Variants in TPRG1 observed in about 807,000 individuals in gnomAD.
TPRG1 encodes the protein tumor protein p63-regulated gene 1 protein.
Under a neutral mutation model 29.3 loss-of-function variants are expected in TPRG1, and 29 were observed. The observed-to-expected ratio is 0.99, with a 90% confidence interval of 0.74 to 1.35. The LOEUF is 1.35. TPRG1 is among the 40% of genes most tolerant of loss of function. TPRG1 has a pLI of 0.00. For synonymous variants in TPRG1, 130 were observed against 116.8 expected (o/e 1.11, Z -0.73); for missense variants, 327 against 335.0 (o/e 0.98, Z 0.19).
chr3:189,202,727 A>G (rs1393179528), intron 1 of TPRG1, among the ~76,000 whole-genome samples: 2 of 152,096 alleles, frequency 1.3e-5, no homozygotes, highest in African/African-American at 2.4e-5. Context: ...GGATTTGTCA[A>G]CCTGGCTCTG....
rs576121403 is a variant in TPRG1 at position 189,322,729 on chromosome 3, C to A, written c.*1909C>A. ...CAATCGACTTCTCTCTGCACATTTGCCCCCTTTGTAACCTAAGCCAGACTG... is the reference window on the plus strand; with the variant it reads ...CAATCGACTTCTCTCTGCACATTTGACCCCTTTGTAACCTAAGCCAGACTG... On this transcript the variant is annotated 3_prime_UTR_variant, in exon 6 of 6. Transcript: ENST00000345063. 6.6e-6 allele frequency: 1 copy of A among 152,520 alleles called. No individual in the cohort carries two copies. The highest frequency in any genetic ancestry group is 2.4e-5 in the African/African-American group (1 of 41,554). 9.4% of individuals were successfully genotyped at this position (152,520 alleles called of 1,614,324 possible). A position where few individuals can be genotyped will look rare whatever the true frequency, so the allele number is the denominator to read the frequency against.
intron 1 of TPRG1, among the ~76,000 whole-genome samples, chr3:189,204,495 G>T (rs114240457): frequency 4.2e-4 from 64 of 152,268 alleles, no homozygotes; most frequent in African/African-American, 1.5e-3. Context: ...TCTGGATTGG[G>T]ATAGCTGGGC....
At chr3:189,074,199 C>CTTTTT (rs554150288) in intron 4 of TPRG1, among the ~76,000 whole-genome samples, 51 of 68,062 alleles carry the variant, frequency 7.5e-4, no homozygotes, top group Non-Finnish European at 1.0e-3. Flanking sequence ...AATTATTTTC[C>CTTTTT]TTTTTTTTTT....
At chr3:189,212,813 C>T (rs1397032761) in intron 2 of TPRG1, among the ~76,000 whole-genome samples, 1 of 152,194 alleles carries the variant, frequency 6.6e-6, no homozygotes, top group Non-Finnish European at 1.5e-5. Context: ...GAGCTCATTA[C>T]ATCGAGAAAA....
intron 3 of TPRG1, among the ~76,000 whole-genome samples, chr3:189,134,045 A>C (rs926291563): frequency 6.6e-6 from 1 of 152,116 alleles, no homozygotes; most frequent in Non-Finnish European, 1.5e-5. Context: ...TTGAATACAC[A>C]TGTTAGCTAT....
At chr3:189,187,795 G>A (rs1271238057) in intron 1 of TPRG1, among the ~76,000 whole-genome samples, 1 of 152,218 alleles carries the variant, frequency 6.6e-6, no homozygotes, top group Non-Finnish European at 1.5e-5. Context: ...TCTATTTTGT[G>A]ATAAAGGTAT....
At chr3:189,229,122 A>T (rs1738245545) in intron 3 of TPRG1, among the ~76,000 whole-genome samples, 1 of 152,258 alleles carries the variant, frequency 6.6e-6, no homozygotes, top group African/African-American at 2.4e-5. Flanking sequence ...ATCACAGAAG[A>T]TCCAAATAAA....
chr3:189,251,044 T>C (rs1244444752), intron 4 of TPRG1, among the ~76,000 whole-genome samples: 1 of 152,090 alleles, frequency 6.6e-6, no homozygotes, highest in Non-Finnish European at 1.5e-5. Context: ...CCCTCTCCTT[T>C]ACTTGCCTCT....
At chr3:189,140,671 C>T (rs961499469) in intron 3 of TPRG1, among the ~76,000 whole-genome samples, 1 of 152,186 alleles carries the variant, frequency 6.6e-6, no homozygotes, top group Non-Finnish European at 1.5e-5. Context: ...AAACACAAAT[C>T]TTACCTGCAC....
At chr3:189,006,064 AAAGT>A (rs1477710143) in intron 3 of TPRG1, among the ~76,000 whole-genome samples, 1 of 152,156 alleles carries the variant, frequency 6.6e-6, no homozygotes, top group Non-Finnish European at 1.5e-5. Context: ...ATAACCCTTC[AAAGT>A]AAGTATTTAC....
chr3:189,267,909 C>T (rs1714403843), intron 4 of TPRG1, among the ~76,000 whole-genome samples: 1 of 152,062 alleles, frequency 6.6e-6, no homozygotes, highest in Admixed American at 6.6e-5. Flanking sequence ...TGAATTGGAG[C>T]ACTGAGAAAA....
rs148977173 is a variant in TPRG1 at position 189,048,497 on chromosome 3, A to T, written c.-463+24551A>T. ...GTCACCAGATGCATTAATCCCTAAA[A>T]AGATGAGTCAGCCTATCCTTTGATG... On this transcript the variant is annotated intron_variant, in intron 4 of 10. Coordinates refer to the TPRG1 transcript ENST00000433971. Among the ~76,000 whole-genome samples the T allele has an allele frequency of 2.4e-4, 37 of 152,316 alleles. No individual in the cohort carries two copies. In the East Asian group the frequency reaches 6.6e-3, roughly 27 times the overall value.
chr3:189,318,009 G>A (rs1399201271), intron 5 of TPRG1, among the ~76,000 whole-genome samples: 1 of 152,098 alleles, frequency 6.6e-6, no homozygotes, highest in Admixed American at 6.6e-5. Flanking sequence ...TCTCTATGAG[G>A]ATAATTCCAG....
At chr3:189,284,796 G>A (rs1182050217) in intron 4 of TPRG1, among the ~76,000 whole-genome samples, 1 of 152,154 alleles carries the variant, frequency 6.6e-6, no homozygotes, top group East Asian at 1.9e-4. Context: ...ATTCAAGATG[G>A]ATTCAAGACT....
chr3:189,210,830 T>C (rs1262871473), intron 2 of TPRG1, among the ~76,000 whole-genome samples: 1 of 151,982 alleles, frequency 6.6e-6, no homozygotes, highest in Non-Finnish European at 1.5e-5. Context: ...TATAATTAGA[T>C]TCAATTAAAA....
chr3:189,267,513 AG>A (rs1313008555), intron 4 of TPRG1: 1 of 152,242 alleles, frequency 6.6e-6, no homozygotes, highest in Non-Finnish European at 1.5e-5. Flanking sequence ...AATCGTTTTT[AG>A]TGGTGGGAAC....
At chr3:189,230,192 G>A (rs992998093) in intron 3 of TPRG1, among the ~76,000 whole-genome samples, 4 of 152,158 alleles carry the variant, frequency 2.6e-5, no homozygotes, top group African/African-American at 9.7e-5. Flanking sequence ...CTTTTGTGTA[G>A]CATTTAAAAT....
At chr3:189,038,693 G>A (rs1248525709) in intron 4 of TPRG1, among the ~76,000 whole-genome samples, 2 of 151,448 alleles carry the variant, frequency 1.3e-5, no homozygotes, top group Admixed American at 1.3e-4. Context: ...ATGGGAGACA[G>A]ACTGGGGGAA....
In TPRG1 at chr3:189,268,659, A is replaced by G. The variant is rs193228246; in HGVS notation, c.479+29750A>G. The stretch of plus-strand genomic sequence containing the variant: ...TAATAGTTTGTATCTCTGAATGACA[A>G]GAAAGCTCATCAATGCTAGAGATGT... On this transcript the variant is annotated intron_variant, in intron 4 of 5. Coordinates refer to ENST00000345063, the MANE Select transcript of TPRG1 (RefSeq NM_198485.4). Among the ~76,000 whole-genome samples, 73 of 152,320 alleles carry G rather than the reference A, an allele frequency of 4.8e-4. No homozygotes were observed. The South Asian group carries it at 0.015, about 31-fold the overall frequency.
Sources: gnomAD v4.1 joint callset for allele counts (sites outside exome capture counted in the v4.1 genomes callset) on GRCh38, gnomAD v4.1.1 for gene constraint, MANE v1.5 for transcripts, NCBI Gene and HGNC (gene_info 2026-07-23, HGNC 2026-07-21) for gene names.